Variants in TTYH1 observed in about 807,000 individuals in gnomAD.
TTYH1 encodes protein tweety homolog 1.
TTYH1 carries 33 observed loss-of-function variants against 61.2 expected under a neutral mutation model. The ratio of observed to expected loss-of-function variants is 0.54; its 90% CI spans 0.41 to 0.72. TTYH1 has a LOEUF of 0.72. Among genes scored for constraint, TTYH1 ranks in the 30% least tolerant of loss-of-function variants. The pLI, the probability that TTYH1 is intolerant of heterozygous loss-of-function variation, is 0.00. For synonymous variants in TTYH1, 308 were observed against 266.4 expected, an observed-to-expected ratio of 1.16 and a Z score of -1.52; for missense variants, 538 against 575.8, an observed-to-expected ratio of 0.93 and a Z score of 0.67.
At position 54,420,911 on chromosome 19, in the gene TTYH1, G is replaced by T; in HGVS notation, c.306-366G>T. The T allele has an allele frequency of 3.1e-6, 1 of 321,376 alleles. No individual in the cohort carries two copies. Among genetic ancestry groups the T allele is most frequent in the Admixed American group, 4.1e-5 (1 of 24,502 alleles). 19.9% of individuals were successfully genotyped at this position (321,376 alleles called of 1,614,324 possible). On this transcript the variant is annotated intron_variant, in intron 2 of 13. Coordinates refer to ENST00000376530, the MANE Select transcript of TTYH1 (RefSeq NM_020659.4). The surrounding 1 kb of genome is among the most constrained non-coding windows in gnomAD (Gnocchi z 4.8). Reference sequence around the variant, plus strand: ...GGGCTGCCTGCCTGGCAAAGGATGCGGGGGAAGGGTGTGGGGCAGGCAGTC... The same window carrying T: ...GGGCTGCCTGCCTGGCAAAGGATGCTGGGGAAGGGTGTGGGGCAGGCAGTC...
In TTYH1 at chr19:54,429,805, G is replaced by C. The variant is rs2083399186; in HGVS notation, c.808-77G>C. On this transcript the variant is annotated intron_variant, in intron 6 of 13. Transcript: ENST00000376530. The surrounding 1 kb of genome is among the most constrained non-coding windows in gnomAD (Gnocchi z 5.1). ...CCTGGGTGGGGAGGGGAGCTGGGGA[G>C]CCAGGCACTGGGTGCTGTGGGAGTG... 7.5e-7 allele frequency: 1 copy of C among 1,326,550 alleles called. No individual in the cohort carries two copies. The highest frequency in any genetic ancestry group is 1.2e-5 in the South Asian group (1 of 80,600). The allele number at this position is 1,326,550 out of a possible 1,614,324, so 82.2% of individuals were successfully genotyped here. A position where few individuals can be genotyped will look rare whatever the true frequency, so the allele number is the denominator to read the frequency against.
Position 54,429,241 on chromosome 19 carries a change from G to C in TTYH1, c.735-66G>C. 2 of 1,457,884 alleles carry C rather than the reference G, an allele frequency of 1.4e-6. No homozygotes were observed. The highest frequency in any genetic ancestry group is 1.9e-6 in the Non-Finnish European group (2 of 1,038,364). The allele number at this position is 1,457,884 out of a possible 1,614,324, so 90.3% of individuals were successfully genotyped here. On this transcript the variant is annotated intron_variant, in intron 5 of 13. Transcript: ENST00000376530. The surrounding 1 kb of genome is among the most constrained non-coding windows in gnomAD (Gnocchi z 5.1). ...TGGGGGGCGGCTGTGATGGGATTTG[G>C]GGTGTGGAAAGAGGCTAGGCTAGGA...
chr19:54,421,199 G>C lies in TTYH1; in HGVS notation c.306-78G>C. 1.1e-6 allele frequency: 1 copy of C among 895,536 alleles called. No homozygotes were observed. Among genetic ancestry groups the C allele is most frequent in the Non-Finnish European group, 1.8e-6 (1 of 544,326 alleles). The allele number at this position is 895,536 out of a possible 1,614,324, so 55.5% of individuals were successfully genotyped here. A position where few individuals can be genotyped will look rare whatever the true frequency, so the allele number is the denominator to read the frequency against. On this transcript the variant is annotated intron_variant, in intron 2 of 13. Transcript: ENST00000376530. The surrounding 1 kb of genome is among the most constrained non-coding windows in gnomAD (Gnocchi z 4.8). ...GGGGTGGATAAGAAGGCGAGGTGGA[G>C]GGGATGGGGTGGGAGGGGACGGTGG... is the stretch of plus-strand genomic sequence containing the variant.
rs201121658 is a variant in TTYH1 at position 54,422,299 on chromosome 19, G to T, written c.527G>T (p.Arg176Leu). The T allele has an allele frequency of 1.9e-6, 3 of 1,565,794 alleles. No individual in the cohort carries two copies. Among genetic ancestry groups the T allele is most frequent in the Non-Finnish European group, 2.6e-6 (3 of 1,156,300 alleles). ...TELVAAARGARRQAEAAAQQL... is the reference protein window; with the variant it reads ...TELVAAARGALRQAEAAAQQL... ...CTGGTGGCTGCCGCCCGAGGGGCTC[G>T]ACGGCAGGCGGAGGCTGCGGCCCAG... Residue 176 changes from arginine to leucine, a missense_variant, in exon 4 of 14, where the codon CGA becomes CTA. Arg to Leu is a moderately radical substitution (Grantham distance 102, BLOSUM62 -2). Around this residue, in one of 3 missense-constraint regions of TTYH1, gnomAD observed 378 missense variants for 401.2 expected, o/e 0.94. Transcript: ENST00000376530.
chr19:54,416,085 A>C lies in TTYH1; in HGVS notation c.126+407A>C. 1 of 1,304,890 alleles carries C rather than the reference A, an allele frequency of 7.7e-7. No homozygotes were observed. The highest frequency in any genetic ancestry group is 1.2e-5 in the South Asian group (1 of 80,886). 80.8% of individuals were successfully genotyped at this position (1,304,890 alleles called of 1,614,324 possible). ...AGAGCAGGTGAATATGTCCCAGATA[A>C]GGTGGGACCCAGGAGACAGCGGACC... is the stretch of plus-strand genomic sequence containing the variant. On this transcript the variant is annotated intron_variant, in intron 1 of 13. Coordinates refer to ENST00000376530, the MANE Select transcript of TTYH1 (RefSeq NM_020659.4). This position sits in a 1 kb window ranked among gnomAD's most constrained non-coding sequence, Gnocchi z 7.0.
chr19:54,428,538 T>C (rs2083375046), intron 5 of TTYH1, among the ~76,000 whole-genome samples: 1 of 152,042 alleles, frequency 6.6e-6, no homozygotes, highest in Admixed American at 6.6e-5. Context: ...TCTCCCTGTT[T>C]AACAGAGGGA....
chr19:54,429,964 T>C lies in TTYH1; in HGVS notation c.883+7T>C. 6.2e-7 allele frequency: 1 copy of C among 1,613,476 alleles called. No individual in the cohort carries two copies. The highest frequency in any genetic ancestry group is 8.5e-7 in the Non-Finnish European group (1 of 1,179,542). Reference sequence around the variant, plus strand: ...GAGACAGGGCTCAGCTCAGGTGATTTCCAAGGGCCCGGTGGGTCCGCCGGG... The same window carrying C: ...GAGACAGGGCTCAGCTCAGGTGATTCCCAAGGGCCCGGTGGGTCCGCCGGG... On this transcript the variant is annotated splice_region_variant and intron_variant, in intron 7 of 13. Transcript: ENST00000376530. The surrounding 1 kb of genome is among the most constrained non-coding windows in gnomAD (Gnocchi z 5.1).
intron 4 of TTYH1, among the ~76,000 whole-genome samples, chr19:54,424,742 G>A (rs1455813693): frequency 1.3e-5 from 2 of 152,220 alleles, no homozygotes; most frequent in Non-Finnish European, 2.9e-5. Context: ...GGGCCTCCAA[G>A]GGAGTCTTGC....
In TTYH1 at chr19:54,435,571, C is replaced by T. The variant is rs767475869; in HGVS notation, c.1155C>T (p.Cys385=). ...KDYGAALRGL[C]EDALEGLLFL... ...ATGGTGCAGCCCTGCGGGGCCTGTG[C>T]GAAGACGCCCTGGAAGGCCTGCTCT... The change falls in exon 11 of 14, where the codon TGC becomes TGT. Residue 385 remains cysteine (C), a synonymous_variant. Coordinates refer to ENST00000376530, the MANE Select transcript of TTYH1 (RefSeq NM_020659.4). 5.0e-6 allele frequency: 8 copies of T among 1,608,046 alleles called. No homozygotes were observed. Among genetic ancestry groups the T allele is most frequent in the South Asian group, 2.2e-5 (2 of 90,628 alleles).
At chr19:54,423,198 A>AT (rs1175182125) in intron 4 of TTYH1, among the ~76,000 whole-genome samples, 4,131 of 132,980 alleles carry the variant, frequency 0.031, 214 homozygotes, top group African/African-American at 0.1. Context: ...GTTCAGCACT[A>AT]TTTTTTTTTT....
chr19:54,435,490 G>A, intron 10 of TTYH1, 52 bp from the exon 11 acceptor site: 2 of 1,547,082 alleles, frequency 1.3e-6, no homozygotes, highest in Non-Finnish European at 1.7e-6. Context: ...CACAGTGTGT[G>A]CCGATGGGGG....
Position 54,416,896 on chromosome 19 carries a change from G to A in TTYH1, c.126+1218G>A. On this transcript the variant is annotated intron_variant, in intron 1 of 13. Transcript: ENST00000376530. The surrounding 1 kb of genome is among the most constrained non-coding windows in gnomAD (Gnocchi z 7.0). ...CGGAGACCTCCCGAAGCCGCACGCG[G>A]GGATCCGCGGCCCCAGTCACCGCCA... 7.8e-7 allele frequency: 1 copy of A among 1,287,586 alleles called. No individual in the cohort carries two copies. The highest frequency in any genetic ancestry group is 1.0e-6 in the Non-Finnish European group (1 of 986,214). 79.8% of individuals were successfully genotyped at this position (1,287,586 alleles called of 1,614,324 possible).
chr19:54,417,053 G>A, intron 1 of TTYH1: 1 of 690,946 alleles, frequency 1.4e-6, no homozygotes, highest in South Asian at 1.9e-5. Flanking sequence ...CGACCACCGT[G>A]GGTACAGCTG....
In TTYH1 at chr19:54,422,424, C is replaced by CTTCT. The variant is rs1448633651; in HGVS notation, c.638+16_638+19dup. 6.6e-7 allele frequency: 1 copy of CTTCT among 1,504,580 alleles called. No homozygotes were observed. The allele number at this position is 1,504,580 out of a possible 1,614,324, so 93.2% of individuals were successfully genotyped here. A position where few individuals can be genotyped will look rare whatever the true frequency, so the allele number is the denominator to read the frequency against. ...GGAGGAGTACAGGTGAGACGCTGCT[C>CTTCT]TTCTTGCTCTCTGTGCCGGCAGCTC... On this transcript the variant is annotated intron_variant, in intron 4 of 13. Transcript: ENST00000376530.
At chr19:54,430,774 T>C in intron 8 of TTYH1, 39 bp from the exon 9 acceptor site, 1 of 1,604,270 alleles carries the variant, frequency 6.2e-7, no homozygotes, top group Non-Finnish European at 8.5e-7. Flanking sequence ...CGGGGGCGTA[T>C]ACTCCTGGGT....
intron 4 of TTYH1, among the ~76,000 whole-genome samples, chr19:54,426,135 A>G (rs2083315637): frequency 6.6e-6 from 1 of 152,118 alleles, no homozygotes; most frequent in Non-Finnish European, 1.5e-5. Context: ...ACTCGAGGCA[A>G]TATTCTCAAG....
chr19:54,424,707 G>C (rs557072077), intron 4 of TTYH1, among the ~76,000 whole-genome samples: 1 of 152,192 alleles, frequency 6.6e-6, no homozygotes, highest in Non-Finnish European at 1.5e-5. Flanking sequence ...CCCCACACTT[G>C]GGAGTCCCTC....
At chr19:54,426,843 C>G in intron 5 of TTYH1, 75 bp downstream of exon 5, 1 of 1,343,130 alleles carries the variant, frequency 7.4e-7, no homozygotes, top group South Asian at 1.2e-5. Context: ...TCTTACAACT[C>G]TCCTACACGG....
intron 4 of TTYH1, among the ~76,000 whole-genome samples, chr19:54,425,232 G>A (rs2083300054): frequency 6.6e-6 from 1 of 152,194 alleles, no homozygotes; most frequent in South Asian, 2.1e-4. Context: ...GGAAGTCAGC[G>A]GCGGGTCTGC....
Sources: allele counts gnomAD v4.1 joint callset (sites outside exome capture counted in the v4.1 genomes callset), GRCh38; gene constraint gnomAD v4.1.1; regional missense constraint gnomAD v4.1.1; non-coding constraint Gnocchi (gnomAD v3.1); transcripts MANE v1.5; gene names NCBI Gene and HGNC (gene_info 2026-07-23, HGNC 2026-07-21).